KCNAB1: variants seen among roughly 807,000 people sequenced by gnomAD.
KCNAB1 encodes the protein voltage-gated potassium channel subunit beta-1.
A neutral mutation model predicts 64.6 loss-of-function variants in KCNAB1; 35 were observed. The observed-to-expected ratio is 0.54, with a 90% confidence interval of 0.41 to 0.72. The LOEUF (loss-of-function observed/expected upper bound fraction) is 0.72. Among genes scored for constraint, KCNAB1 ranks in the 30% least tolerant of loss-of-function variants. KCNAB1 has a pLI of 0.00. For synonymous variants in KCNAB1, 177 were observed against 183.8 expected (o/e 0.96, Z 0.30); for missense variants, 401 against 512.9 (o/e 0.78, Z 2.11).
chr3:156,265,454 C>T (rs113686873), intron 1 of KCNAB1, among the ~76,000 whole-genome samples: 119 of 152,260 alleles, frequency 7.8e-4, no homozygotes, highest in African/African-American at 2.7e-3. Context: ...TTCAGTGGGC[C>T]ATTCCATTTT....
At chr3:156,205,023 T>A (rs1353607632) in intron 1 of KCNAB1, among the ~76,000 whole-genome samples, 1 of 152,122 alleles carries the variant, frequency 6.6e-6, no homozygotes, top group African/African-American at 2.4e-5. Flanking sequence ...AAATTATATA[T>A]CTCTTAAATA....
At chr3:156,512,499 G>C (rs1484252895) in intron 8 of KCNAB1, among the ~76,000 whole-genome samples, 1 of 152,214 alleles carries the variant, frequency 6.6e-6, no homozygotes, top group Non-Finnish European at 1.5e-5. Flanking sequence ...CCAGCACCCA[G>C]AACAGCAGAC....
At chr3:156,449,692 G>C (rs1711849165) in intron 2 of KCNAB1, among the ~76,000 whole-genome samples, 1 of 152,168 alleles carries the variant, frequency 6.6e-6, no homozygotes, top group Non-Finnish European at 1.5e-5. Flanking sequence ...CATAGTTTTA[G>C]AGAATAAATT....
intron 1 of KCNAB1, among the ~76,000 whole-genome samples, chr3:156,390,120 T>C (rs953736391): frequency 2.0e-5 from 3 of 152,204 alleles, no homozygotes; most frequent in African/African-American, 7.2e-5. Flanking sequence ...ATTTTTTATG[T>C]CTGGAAATGA....
At chr3:156,455,552 G>A (rs941008536) in intron 3 of KCNAB1, among the ~76,000 whole-genome samples, 20 of 147,258 alleles carry the variant, frequency 1.4e-4, no homozygotes, top group Admixed American at 1.3e-3. Context: ...CTTAATTTTC[G>A]GAGTTTTATT....
chr3:156,141,048 G>A (rs1275045074), intron 1 of KCNAB1, among the ~76,000 whole-genome samples: 13 of 151,946 alleles, frequency 8.6e-5, no homozygotes, highest in Admixed American at 7.9e-4. Flanking sequence ...CCATATGTGA[G>A]GAGTTTCTTT....
At chr3:156,169,235 G>T (rs893582881) in intron 1 of KCNAB1, among the ~76,000 whole-genome samples, 2 of 152,106 alleles carry the variant, frequency 1.3e-5, no homozygotes, top group South Asian at 4.1e-4. Context: ...GACGAATAAA[G>T]CTCATTTAGT....
chr3:156,357,118 C>T (rs1725293753), intron 1 of KCNAB1, among the ~76,000 whole-genome samples: 1 of 150,150 alleles, frequency 6.7e-6, no homozygotes, highest in Non-Finnish European at 1.5e-5. Flanking sequence ...ACCACACATT[C>T]TCTCTCTCTC....
chr3:156,452,972 G>T lies in KCNAB1; in HGVS notation c.357+36G>T. The stretch of plus-strand genomic sequence containing the variant: ...TTTGGCCTCTATTATGCTAATGAAA[G>T]AAAATGCAGAGAGAGCTGTATTGCA... On this transcript the variant is annotated intron_variant, in intron 3 of 13. Coordinates refer to ENST00000490337, the MANE Select transcript of KCNAB1 (RefSeq NM_172160.3). This position sits in a 1 kb window ranked among gnomAD's most constrained non-coding sequence, Gnocchi z 4.6. 1.7e-5 allele frequency: 25 copies of T among 1,488,156 alleles called. No individual in the cohort carries two copies. Among genetic ancestry groups the T allele is most frequent in the Non-Finnish European group, 2.0e-5 (22 of 1,074,010 alleles). 92.2% of individuals were successfully genotyped at this position (1,488,156 alleles called of 1,614,324 possible). A position where few individuals can be genotyped will look rare whatever the true frequency, so the allele number is the denominator to read the frequency against.
intron 8 of KCNAB1, among the ~76,000 whole-genome samples, chr3:156,486,985 A>T (rs1450671393): frequency 2.0e-5 from 3 of 152,206 alleles, no homozygotes; most frequent in Non-Finnish European, 1.5e-5. Context: ...AAGGACCAGT[A>T]GGAGATTTAA....
At chr3:156,374,332 G>A (rs993756153) in intron 1 of KCNAB1, among the ~76,000 whole-genome samples, 1 of 152,182 alleles carries the variant, frequency 6.6e-6, no homozygotes, top group African/African-American at 2.4e-5. Context: ...GAGAAATAAA[G>A]GAATGGAGAG....
intron 8 of KCNAB1, among the ~76,000 whole-genome samples, chr3:156,502,712 A>C (rs1366176841): frequency 1.3e-5 from 2 of 152,224 alleles, no homozygotes; most frequent in Admixed American, 1.3e-4. Flanking sequence ...ACCCATGTTC[A>C]AACTATAAAA....
At chr3:156,287,349 C>CAAAAAA (rs1159352986) in intron 1 of KCNAB1, among the ~76,000 whole-genome samples, 1 of 77,840 alleles carries the variant, frequency 1.3e-5, no homozygotes, top group Non-Finnish European at 2.9e-5. Context: ...ACCTCCGTAT[C>CAAAAAA]AAAAAAAAAA....
intron 1 of KCNAB1, among the ~76,000 whole-genome samples, chr3:156,171,108 G>A (rs548453582): frequency 6.6e-6 from 1 of 150,838 alleles, no homozygotes; most frequent in Admixed American, 6.7e-5. Flanking sequence ...ACAAGGATAA[G>A]AATTTATAGT....
intron 1 of KCNAB1, among the ~76,000 whole-genome samples, chr3:156,306,309 A>G (rs1721488422): frequency 6.6e-6 from 1 of 152,164 alleles, no homozygotes; most frequent in African/African-American, 2.4e-5. Context: ...ATAGTCCAGG[A>G]CTAGGCAGCA....
chr3:156,428,850 C>G (rs965929686), intron 2 of KCNAB1, among the ~76,000 whole-genome samples: 3 of 150,968 alleles, frequency 2.0e-5, no homozygotes, highest in Non-Finnish European at 4.4e-5. Context: ...AGAAAGAACA[C>G]CCCCATACCT....
chr3:156,484,550 G>A (rs1299190293), intron 8 of KCNAB1, among the ~76,000 whole-genome samples: 1 of 152,016 alleles, frequency 6.6e-6, no homozygotes, highest in East Asian at 1.9e-4. Flanking sequence ...TATTCTGAGG[G>A]GATGTTGACT....
At chr3:156,315,158 G>A (rs1298368200) in intron 1 of KCNAB1, among the ~76,000 whole-genome samples, 1 of 152,188 alleles carries the variant, frequency 6.6e-6, no homozygotes, top group Non-Finnish European at 1.5e-5. Context: ...ATCAGAGAAT[G>A]AGTCAGAACT....
chr3:156,482,612 GAGT>G (rs1714909573), intron 8 of KCNAB1, among the ~76,000 whole-genome samples: 3 of 152,084 alleles, frequency 2.0e-5, no homozygotes, highest in African/African-American at 7.2e-5. Context: ...ATGGCATTAA[GAGT>G]CAGACCTCAA....
Sources: gnomAD v4.1 joint callset for allele counts (sites outside exome capture counted in the v4.1 genomes callset) on GRCh38, gnomAD v4.1.1 for gene constraint, Gnocchi (gnomAD v3.1) non-coding constraint, MANE v1.5 for transcripts, NCBI Gene and HGNC (gene_info 2026-07-23, HGNC 2026-07-21) for gene names.